The following TLE4 variants were observed in gnomAD, a reference collection of about 807,000 sequenced individuals.
TLE4 encodes transducin-like enhancer protein 4.
A neutral mutation model predicts 92.8 loss-of-function variants in TLE4; 8 were observed. That is an observed-to-expected ratio of 0.09 (90% CI 0.05 to 0.16). The LOEUF is 0.16. Among genes scored for constraint, TLE4 ranks in the 10% least tolerant of loss-of-function variants. The probability of loss-of-function intolerance (pLI) is 1.00; values close to 1 mark genes in which losing one functional copy is unlikely to be tolerated. For missense variants in TLE4, 675 were observed against 997.6 expected (o/e 0.68, Z 4.36); for synonymous variants, 371 against 374.1 (o/e 0.99, Z 0.10).
chr9:79,602,926 C>A (rs1485310871), intron 4 of TLE4, among the ~76,000 whole-genome samples: 1 of 152,078 alleles, frequency 6.6e-6, no homozygotes, highest in East Asian at 1.9e-4. Flanking sequence ...AAAATACCAA[C>A]ATTAATAAGA....
intron 15 of TLE4, 75 bp downstream of exon 15, chr9:79,719,046 A>T (rs1588622671): frequency 1.3e-6 from 2 of 1,543,528 alleles, no homozygotes; most frequent in African/African-American, 1.4e-5. Context: ...AACTGTATGT[A>T]TGAGCAACAC....
chr9:79,682,416 C>A lies in TLE4; in HGVS notation c.610-22367C>A, dbSNP rs544346128. ...TGGCCCTCAAGGATTTCCTGACATG[C>A]CTTTTCCAAGTCCAGCCTTGGAACT... On this transcript the variant is annotated intron_variant, in intron 8 of 19. Coordinates refer to ENST00000376552, the MANE Select transcript of TLE4 (RefSeq NM_007005.6). Among the ~76,000 whole-genome samples, 4 of 152,270 alleles carry A rather than the reference C, an allele frequency of 2.6e-5. No individual in the cohort carries two copies. The South Asian group carries it at 8.3e-4, about 32-fold the overall frequency.
chr9:79,707,045 A>G (rs560338415), intron 11 of TLE4, 146 bp downstream of exon 11: 13 of 1,570,544 alleles, frequency 8.3e-6, no homozygotes, highest in Admixed American at 7.0e-5. Flanking sequence ...TTTAATTGGC[A>G]AAAGTATGTA....
chr9:79,705,509 C>G (rs1468558774), intron 9 of TLE4, among the ~76,000 whole-genome samples: 1 of 152,216 alleles, frequency 6.6e-6, no homozygotes. Context: ...ATTTTTACCT[C>G]CCAATATGCA....
In TLE4 at chr9:79,572,655, G is replaced by C; in HGVS notation, c.-136G>C. The C allele has an allele frequency of 1.7e-6, 1 of 601,604 alleles. No homozygotes were observed. Among genetic ancestry groups the C allele is most frequent in the South Asian group, 4.0e-5 (1 of 24,728 alleles). The allele number at this position is 601,604 out of a possible 1,614,324, so 37.3% of individuals were successfully genotyped here. A position where few individuals can be genotyped will look rare whatever the true frequency, so the allele number is the denominator to read the frequency against. ...TGCCGCCCGTGTCACGCGAGACCCGGCGGGGGCCGGGACCGCCCGAGCCGC... is the reference window on the plus strand; with the variant it reads ...TGCCGCCCGTGTCACGCGAGACCCGCCGGGGGCCGGGACCGCCCGAGCCGC... On this transcript the variant is annotated 5_prime_UTR_variant, in exon 1 of 20. Transcript: ENST00000376552.
At position 79,572,813 on chromosome 9, in the gene TLE4, T is replaced by G; in HGVS notation, c.23T>G (p.Met8Arg). 6.3e-7 allele frequency: 1 copy of G among 1,599,672 alleles called. No individual in the cohort carries two copies. Among genetic ancestry groups the G allele is most frequent in the Non-Finnish European group, 8.5e-7 (1 of 1,174,108 alleles). Residue 8 changes from methionine (M) to arginine (R), a missense_variant, in exon 1 of 20, where the codon ATG becomes AGG. Transcript: ENST00000376552. ...TGGATGATTCGCGACCTGAGCAAGA[T>G]GTACCCGCAGACCAGACACCCAGTG... MIRDLSK[M>R]YPQTRHPAPH...
At chr9:79,681,767 G>A (rs1218469241) in intron 8 of TLE4, among the ~76,000 whole-genome samples, 4 of 151,678 alleles carry the variant, frequency 2.6e-5, no homozygotes, top group Non-Finnish European at 5.9e-5. Context: ...GAGAAAGAGA[G>A]GGAGGGAGGA....
intron 5 of TLE4, among the ~76,000 whole-genome samples, chr9:79,620,312 G>A (rs1393301420): frequency 2.6e-5 from 4 of 152,220 alleles, no homozygotes; most frequent in Non-Finnish European, 1.5e-5. Flanking sequence ...CATTTCAAGT[G>A]CTCAGTATCC....
chr9:79,638,381 C>T (rs2056424497), intron 6 of TLE4, among the ~76,000 whole-genome samples: 1 of 152,136 alleles, frequency 6.6e-6, no homozygotes, highest in African/African-American at 2.4e-5. Flanking sequence ...ACAATTATTT[C>T]ATGAGATAGA....
rs972936948 is a variant in TLE4 at position 79,725,325 on chromosome 9, A to G, written c.*181A>G. On this transcript the variant is annotated 3_prime_UTR_variant, in exon 20 of 20. Transcript: ENST00000376552. ...TGCTATTGAATTGTGAATAGTCATT[A>G]AAAACCTGTGATACCAAATCTTCAG... 7 of 500,552 alleles carry G rather than the reference A, an allele frequency of 1.4e-5. No homozygotes were observed. Among genetic ancestry groups the G allele is most frequent in the African/African-American group, 9.7e-5 (5 of 51,362 alleles). 31.0% of individuals were successfully genotyped at this position (500,552 alleles called of 1,614,324 possible).
intron 13 of TLE4, 37 bp from the exon 14 acceptor site, chr9:79,709,584 CTG>C (rs752187964): frequency 2.5e-6 from 4 of 1,572,274 alleles, no homozygotes; most frequent in Admixed American, 1.7e-5. Flanking sequence ...TCAAATGTAA[CTG>C]TGCTTATTTC....
chr9:79,719,937 G>A (rs1273075968), intron 15 of TLE4, 109 bp from the exon 16 acceptor site: 21 of 1,372,934 alleles, frequency 1.5e-5, no homozygotes, highest in Non-Finnish European at 2.0e-5. Flanking sequence ...AAGTATAAAC[G>A]GCTCATTAAA....
chr9:79,692,005 C>CAA (rs1391666701), intron 8 of TLE4, among the ~76,000 whole-genome samples: 1 of 152,082 alleles, frequency 6.6e-6, no homozygotes, highest in Non-Finnish European at 1.5e-5. Context: ...GAATGCCTGG[C>CAA]AAATAGTGGG....
At chr9:79,714,605 A>T (rs912909488) in intron 14 of TLE4, among the ~76,000 whole-genome samples, 6 of 152,174 alleles carry the variant, frequency 3.9e-5, no homozygotes, top group African/African-American at 1.2e-4. Flanking sequence ...TCTCTCATCC[A>T]ACATAAACTT....
At chr9:79,661,266 G>A (rs1165384863) in intron 8 of TLE4, among the ~76,000 whole-genome samples, 1 of 152,046 alleles carries the variant, frequency 6.6e-6, no homozygotes, top group East Asian at 1.9e-4. Context: ...CCCCACTCTG[G>A]AAAAATTATA....
rs1412108000 is a variant in TLE4 at position 79,708,323 on chromosome 9, G to A, written c.1069+73G>A. The A allele has an allele frequency of 4.6e-6, 7 of 1,530,000 alleles. No individual in the cohort carries two copies. In the Admixed American group the frequency reaches 5.5e-5, roughly 12 times the overall value. 94.8% of individuals were successfully genotyped at this position (1,530,000 alleles called of 1,614,324 possible). A position where few individuals can be genotyped will look rare whatever the true frequency, so the allele number is the denominator to read the frequency against. On this transcript the variant is annotated intron_variant, in intron 12 of 19. Coordinates refer to ENST00000376552, the MANE Select transcript of TLE4 (RefSeq NM_007005.6). ...AATTTAAAGCAATTTAAGGAGTACAGTACATTAAAAGTGCTAATGACCAGC... is the reference window on the plus strand; with the variant it reads ...AATTTAAAGCAATTTAAGGAGTACAATACATTAAAAGTGCTAATGACCAGC...
chr9:79,615,629 AT>A (rs889196719), intron 5 of TLE4, among the ~76,000 whole-genome samples: 2 of 149,330 alleles, frequency 1.3e-5, no homozygotes, highest in Non-Finnish European at 3.0e-5. Context: ...GGTTTACCGC[AT>A]TTTTTTAAAC....
chr9:79,667,728 C>T (rs2061634822), intron 8 of TLE4, among the ~76,000 whole-genome samples: 1 of 152,110 alleles, frequency 6.6e-6, no homozygotes, highest in South Asian at 2.1e-4. Flanking sequence ...GCTTCGAAGT[C>T]AGGATTTTCT....
intron 4 of TLE4, among the ~76,000 whole-genome samples, chr9:79,603,083 A>G (rs556112616): frequency 4.6e-5 from 7 of 152,334 alleles, no homozygotes; most frequent in Non-Finnish European, 8.8e-5. Context: ...GTTGCTGCTT[A>G]TGGATGAGCA....
Sources: allele counts gnomAD v4.1 joint callset (sites outside exome capture counted in the v4.1 genomes callset), GRCh38; gene constraint gnomAD v4.1.1; transcripts MANE v1.5; gene names NCBI Gene and HGNC (gene_info 2026-07-23, HGNC 2026-07-21).